The following CR1 variants were observed in gnomAD, a reference collection of about 807,000 sequenced individuals.
CR1 encodes complement receptor type 1.
Under a neutral mutation model 187.3 loss-of-function variants are expected in CR1, and 116 were observed. The observed-to-expected ratio is 0.62, with a 90% confidence interval of 0.53 to 0.72. CR1 has a LOEUF of 0.72. CR1 is among the 30% of genes least tolerant of loss of function. The pLI is 0.00. For missense variants in CR1, 1,731 were observed against 2,110.7 expected (o/e 0.82, Z 3.52); for synonymous variants, 576 against 747.1 (o/e 0.77, Z 3.73).
At chr1:207,587,853 T>C (rs1407176340) in intron 34 of CR1, among the ~76,000 whole-genome samples, 1 of 152,252 alleles carries the variant, frequency 6.6e-6, no homozygotes, top group Non-Finnish European at 1.5e-5. Context: ...GTCTTGTACA[T>C]CACCCCTTCT....
chr1:207,598,058 TA>T (rs1428947881), intron 35 of CR1, among the ~76,000 whole-genome samples: 1 of 152,220 alleles, frequency 6.6e-6, no homozygotes, highest in Non-Finnish European at 1.5e-5. Flanking sequence ...TTTATTGGAC[TA>T]AAAATAGATT....
At position 207,497,125 on chromosome 1, in the gene CR1, C is replaced by G. The variant is rs1013010449; in HGVS notation, c.121+737C>G. Among the ~76,000 whole-genome samples, 8 of 152,170 alleles carry G rather than the reference C, an allele frequency of 5.3e-5. No individual in the cohort carries two copies. In the East Asian group the frequency reaches 5.8e-4, roughly 11 times the overall value. On this transcript the variant is annotated intron_variant, in intron 1 of 46. Transcript: ENST00000367049. ...AAGACAGATGCATGCCAGGCACTTG[C>G]GGATTAGAAGAGCAAGGGAAGCCCC...
chr1:207,634,207 T>C (rs1209829885), intron 46 of CR1, among the ~76,000 whole-genome samples: 1 of 152,192 alleles, frequency 6.6e-6, no homozygotes, highest in Non-Finnish European at 1.5e-5. Flanking sequence ...ACAAAATTAA[T>C]TTATGAAAAT....
chr1:207,607,183 A>G, intron 35 of CR1, 68 bp from the exon 36 acceptor site: 1 of 1,258,400 alleles, frequency 7.9e-7, no homozygotes, highest in Non-Finnish European at 1.2e-6. Flanking sequence ...ACCTGCTATT[A>G]TTTTCTAAAT....
intron 45 of CR1, among the ~76,000 whole-genome samples, chr1:207,626,465 C>G (rs1662482077): frequency 6.6e-6 from 1 of 151,992 alleles, no homozygotes; most frequent in Non-Finnish European, 1.5e-5. Flanking sequence ...GCTTTCCTCA[C>G]AGAAAGACAA....
chr1:207,616,472 C>T (rs1328388609), intron 40 of CR1, 103 bp from the exon 41 acceptor site: 2 of 1,353,360 alleles, frequency 1.5e-6, no homozygotes, highest in African/African-American at 2.9e-5. Flanking sequence ...TATATTCTTT[C>T]TAAAAGTTAT....
At chr1:207,597,187 A>G (rs1015993884) in intron 35 of CR1, among the ~76,000 whole-genome samples, 13 of 151,840 alleles carry the variant, frequency 8.6e-5, no homozygotes, top group African/African-American at 3.1e-4. Context: ...TGTTTTGTAC[A>G]GTGCTGAGTT....
chr1:207,575,331 T>A (rs1571546977), intron 27 of CR1, among the ~76,000 whole-genome samples: 1 of 152,164 alleles, frequency 6.6e-6, no homozygotes, highest in East Asian at 1.9e-4. Context: ...AAAATAATTG[T>A]TTTATTTTCG....
intron 1 of CR1, among the ~76,000 whole-genome samples, chr1:207,502,210 ATC>A (rs1659292396): frequency 1.3e-5 from 2 of 152,254 alleles, no homozygotes. Context: ...CATATCTAAT[ATC>A]TATTGAGAGA....
At chr1:207,616,514 A>G in intron 40 of CR1, 61 bp from the exon 41 acceptor site, 2 of 1,554,272 alleles carry the variant, frequency 1.3e-6, no homozygotes, top group East Asian at 2.2e-5. Flanking sequence ...ACAGGTCACT[A>G]TTGTTTCAGT....
At chr1:207,593,775 C>T (rs1196991929) in intron 35 of CR1, among the ~76,000 whole-genome samples, 1 of 152,134 alleles carries the variant, frequency 6.6e-6, no homozygotes, top group East Asian at 1.9e-4. Flanking sequence ...AAAAACAACC[C>T]TATCGAAAAG....
At chr1:207,599,554 A>G (rs1250877114) in intron 35 of CR1, among the ~76,000 whole-genome samples, 3 of 152,242 alleles carry the variant, frequency 2.0e-5, no homozygotes, top group African/African-American at 4.8e-5. Context: ...ATATAAGCAA[A>G]AAGAGCAAAC....
chr1:207,604,821 A>G (rs1661699738), intron 35 of CR1, among the ~76,000 whole-genome samples: 2 of 152,184 alleles, frequency 1.3e-5, no homozygotes, highest in African/African-American at 4.8e-5. Flanking sequence ...TTGAACTCAT[A>G]GAAGTAGAGA....
Position 207,641,623 on chromosome 1 carries a change from A to G in CR1, c.*2214A>G, listed in dbSNP as rs1662988494. On this transcript the variant is annotated 3_prime_UTR_variant, in exon 47 of 47. Coordinates refer to ENST00000367049, the MANE Select transcript of CR1 (RefSeq NM_000651.6). ...TGGACACCAATTGCCCTATGAAGCT[A>G]TTGCTAGTCCTAACATTCTTTGTTT... 2.6e-5 allele frequency: 4 copies of G among 152,218 alleles called. No individual in the cohort carries two copies. Among genetic ancestry groups the G allele is most frequent in the Admixed American group, 1.3e-4 (2 of 15,288 alleles). 9.4% of individuals were successfully genotyped at this position (152,218 alleles called of 1,614,324 possible).
intron 27 of CR1, 29 bp from the exon 28 acceptor site, chr1:207,575,566 G>C (rs750950922): frequency 4.3e-6 from 7 of 1,611,650 alleles, no homozygotes; most frequent in African/African-American, 1.3e-5. Flanking sequence ...GTATGTACAG[G>C]ACAATGATTT....
intron 27 of CR1, among the ~76,000 whole-genome samples, chr1:207,572,755 G>A (rs1558238122): frequency 6.7e-6 from 1 of 149,092 alleles, no homozygotes; most frequent in Non-Finnish European, 1.5e-5. Flanking sequence ...TTTTGGGAGG[G>A]CCACGCTCCC....
intron 1 of CR1, 127 bp from the exon 2 acceptor site, chr1:207,505,777 A>T (rs1659408745): frequency 9.8e-7 from 1 of 1,016,890 alleles, no homozygotes; most frequent in Non-Finnish European, 1.4e-6. Flanking sequence ...CGGAGGTTGC[A>T]GTGAGCCAAG....
chr1:207,617,539 AT>A lies in CR1; in HGVS notation c.6890-531del, dbSNP rs1439032095. ...TGTGTGTGTGTGTGTGTGTGTGTGT[AT>A]GTGTGTATATATATATGTGTATATA... is the stretch of plus-strand genomic sequence containing the variant. On this transcript the variant is annotated intron_variant, in intron 41 of 46. Coordinates refer to ENST00000367049, the MANE Select transcript of CR1 (RefSeq NM_000651.6). Among the ~76,000 whole-genome samples, 4 of 38,348 alleles carry A rather than the reference AT, an allele frequency of 1.0e-4. 1 individual carries two copies. Among genetic ancestry groups the A allele is most frequent in the Non-Finnish European group, 2.0e-4 (4 of 19,836 alleles). 25.2% of individuals were successfully genotyped at this position (38,348 alleles called of 152,430 possible). A position where few individuals can be genotyped will look rare whatever the true frequency, so the allele number is the denominator to read the frequency against.
chr1:207,499,640 C>T (rs1022294429), intron 1 of CR1, among the ~76,000 whole-genome samples: 16 of 152,186 alleles, frequency 1.1e-4, no homozygotes, highest in Admixed American at 6.5e-4. Context: ...TAAAATAGTA[C>T]ACGAATTAAG....
Sources: allele counts gnomAD v4.1 joint callset (sites outside exome capture counted in the v4.1 genomes callset), GRCh38; gene constraint gnomAD v4.1.1; transcripts MANE v1.5; gene names NCBI Gene and HGNC (gene_info 2026-07-23, HGNC 2026-07-21).